OTUD5: variants seen among roughly 807,000 people sequenced by gnomAD.
OTUD5 encodes OTU deubiquitinase 5.
Under a neutral mutation model 36.3 loss-of-function variants are expected in OTUD5, and 2 were observed. That is an observed-to-expected ratio of 0.06 (90% CI 0.02 to 0.17). OTUD5 has a LOEUF of 0.17. Among genes scored for constraint, OTUD5 ranks in the 10% least tolerant of loss-of-function variants. The probability of loss-of-function intolerance (pLI) is 1.00; values close to 1 mark genes in which losing one functional copy is unlikely to be tolerated. For missense variants in OTUD5, 233 were observed against 512.3 expected, an observed-to-expected ratio of 0.45 and a Z score of 5.26; for synonymous variants, 234 against 214.9, an observed-to-expected ratio of 1.09 and a Z score of -0.78.
intron 2 of OTUD5, among the ~76,000 whole-genome samples, chrX:48,937,586 T>C (rs1289382959): frequency 1.8e-5 from 2 of 112,583 alleles, no homozygotes; most frequent in African/African-American, 6.5e-5. Flanking sequence ...CCCATTTCTC[T>C]GCCACTGACC....
At chrX:48,929,678 C>A (rs1418798336) in intron 5 of OTUD5, among the ~76,000 whole-genome samples, 1 of 110,175 alleles carries the variant, frequency 9.1e-6, no homozygotes, top group Non-Finnish European at 1.9e-5. Flanking sequence ...TTGAGATCAT[C>A]GCACCACTGC....
intron 5 of OTUD5, among the ~76,000 whole-genome samples, chrX:48,928,959 G>A (rs1350269893): frequency 2.7e-5 from 3 of 111,228 alleles, no homozygotes; most frequent in Non-Finnish European, 3.8e-5. Context: ...GTAAGCATAT[G>A]GAGTATGAGG....
At chrX:48,957,746 C>T (rs1359116474), upstream of OTUD5, 14 of 780,881 alleles carry the variant, frequency 1.8e-5, no homozygotes, top group Middle Eastern at 1.4e-3. Flanking sequence ...GCGGCGGCGG[C>T]GGCGGTGGCG....
chrX:48,950,530 T>C (rs1234242718), intron 1 of OTUD5, among the ~76,000 whole-genome samples: 3 of 103,508 alleles, frequency 2.9e-5, no homozygotes, highest in Non-Finnish European at 2.0e-5. Flanking sequence ...AATAAACTTC[T>C]CTCTCTCTTT....
chrX:48,933,643 CCT>C (rs1229173953), intron 5 of OTUD5, among the ~76,000 whole-genome samples: 4 of 111,438 alleles, frequency 3.6e-5, no homozygotes, highest in Middle Eastern at 9.2e-3. Flanking sequence ...GTCTTGAACC[CCT>C]GACCTCAGGT....
chrX:48,925,870 G>A lies in OTUD5; in HGVS notation c.1240C>T (p.Arg414Cys), dbSNP rs782489641. 1.3e-5 allele frequency: 16 copies of A among 1,210,180 alleles called. No homozygotes were observed. The highest frequency in any genetic ancestry group is 1.8e-5 in the South Asian group (1 of 56,769). Residue 414 changes from arginine to cysteine, a missense_variant, in exon 6 of 9, where the codon CGC (arginine) becomes TGC (cysteine). Arg to Cys is a radical substitution (Grantham distance 180). Around this residue, in one of 3 missense-constraint regions of OTUD5, gnomAD observed 57 missense variants for 133.1 expected, o/e 0.43. Transcript: ENST00000376488. ...QWLRDQEKQA[R>C]QVRGPSQPRK... ...ACCTGGCTGGGGCCTCGGACCTGGC[G>A]AGCCTGTTTCTCCTGATCCCGCAAC...
At chrX:48,946,935 T>C (rs1460527975) in intron 1 of OTUD5, among the ~76,000 whole-genome samples, 1 of 112,671 alleles carries the variant, frequency 8.9e-6, no homozygotes, top group Non-Finnish European at 1.9e-5. Context: ...CTAAGTAAGA[T>C]ACTGGGCTGG....
At chrX:48,930,270 C>T (rs1212605467) in intron 5 of OTUD5, among the ~76,000 whole-genome samples, 2 of 111,547 alleles carry the variant, frequency 1.8e-5, no homozygotes, top group African/African-American at 3.3e-5. Flanking sequence ...CACGGGGGTA[C>T]GGGTGAACAA....
chrX:48,923,536 G>A, intron 8 of OTUD5, 97 bp downstream of exon 8: 1 of 659,374 alleles, frequency 1.5e-6, no homozygotes, highest in Non-Finnish European at 2.4e-6. Context: ...TGGGGAGATG[G>A]CCAGAGGCTC....
At chrX:48,952,341 T>A (rs781823385) in intron 1 of OTUD5, among the ~76,000 whole-genome samples, 3 of 112,065 alleles carry the variant, frequency 2.7e-5, no homozygotes, top group Admixed American at 9.4e-5. Context: ...TAAAGAGTGC[T>A]GGATTTCTCT....
rs200578681 is a variant in OTUD5, at chrX:48,956,312, C to CGTGTGT, written c.594+659_594+664dup. Among the ~76,000 whole-genome samples the CGTGTGT allele has an allele frequency of 1.3e-3, 136 of 104,080 alleles. 1 individual carries two copies. In the South Asian group the frequency reaches 0.017, roughly 13 times the overall value. The allele number at this position is 104,080 out of a possible 115,157, so 90.4% of individuals were successfully genotyped here. On this transcript the variant is annotated intron_variant, in intron 1 of 8. Coordinates refer to ENST00000376488, the MANE Select transcript of OTUD5 (RefSeq NM_001136157.2). ...AGAAGATCCCTATCCTTAAAGGGGG[C>CGTGTGT]GTGTGTGTGTGTGTGTGTGTCAGGA...
Position 48,935,024 on chromosome X carries a change from G to A in OTUD5, c.689-6C>T, listed in dbSNP as rs2063808456. On this transcript the variant is annotated splice_polypyrimidine_tract_variant and splice_region_variant and intron_variant, in intron 2 of 8. Coordinates refer to ENST00000376488, the MANE Select transcript of OTUD5 (RefSeq NM_001136157.2). ...GTCTCCATACACCTGGTCAGCTGTG[G>A]GGGCAGAAGAAAGCAGCAGCTAGGG... is the stretch of plus-strand genomic sequence containing the variant. The A allele has an allele frequency of 5.0e-6, 6 of 1,206,626 alleles. No homozygotes were observed. The highest frequency in any genetic ancestry group is 6.7e-6 in the Non-Finnish European group (6 of 891,633).
intron 1 of OTUD5, among the ~76,000 whole-genome samples, chrX:48,952,598 A>C (rs1557054191): frequency 8.9e-6 from 1 of 112,359 alleles, no homozygotes; most frequent in African/African-American, 3.2e-5. Context: ...TAAAACTTTC[A>C]TGAAGGGTGA....
chrX:48,950,527 TTCTC>T (rs1456130210), intron 1 of OTUD5, among the ~76,000 whole-genome samples: 127 of 106,549 alleles, frequency 1.2e-3, no homozygotes, highest in African/African-American at 2.7e-3. Context: ...CAGAATAAAC[TTCTC>T]TCTCTCTTTT....
chrX:48,935,140 G>A, intron 2 of OTUD5, 122 bp from the exon 3 acceptor site: 4 of 660,822 alleles, frequency 6.1e-6, no homozygotes, highest in East Asian at 3.5e-5. Context: ...TCTACCCCAA[G>A]GCCTGGAGAG....
chrX:48,928,826 C>CAA (rs782401982), intron 5 of OTUD5, among the ~76,000 whole-genome samples: 2,699 of 63,222 alleles, frequency 0.043, 170 homozygotes, highest in African/African-American at 0.13. Context: ...TACACTGTCT[C>CAA]AAAAAAAAAA....
At chrX:48,931,258 C>A (rs1422077898) in intron 5 of OTUD5, among the ~76,000 whole-genome samples, 1 of 112,007 alleles carries the variant, frequency 8.9e-6, no homozygotes, top group African/African-American at 3.3e-5. Context: ...ATAAATGACA[C>A]TCATAGTATA....
intron 1 of OTUD5, among the ~76,000 whole-genome samples, chrX:48,955,471 G>A (rs1191073260): frequency 9.0e-6 from 1 of 111,576 alleles, no homozygotes; most frequent in African/African-American, 3.3e-5. Flanking sequence ...AGTTCCTTGA[G>A]GAGGAAGCTC....
chrX:48,953,651 C>G (rs188469333), intron 1 of OTUD5, among the ~76,000 whole-genome samples: 1 of 111,130 alleles, frequency 9.0e-6, no homozygotes, highest in Non-Finnish European at 1.9e-5. Context: ...TCTCAAAGAG[C>G]TCTGTGGGGT....
Sources: allele counts gnomAD v4.1 joint callset (sites outside exome capture counted in the v4.1 genomes callset), GRCh38; gene constraint gnomAD v4.1.1; regional missense constraint gnomAD v4.1.1; transcripts MANE v1.5; gene names NCBI Gene and HGNC (gene_info 2026-07-23, HGNC 2026-07-21).